CCDC180: variants seen among roughly 807,000 people sequenced by gnomAD.
CCDC180 encodes the protein coiled-coil domain containing 180, also known as coiled-coil domain-containing protein 180.
In CCDC180, 154 loss-of-function variants were observed where a neutral mutation model predicts 209.2. The ratio of observed to expected loss-of-function variants is 0.74; its 90% CI spans 0.65 to 0.84. The LOEUF (loss-of-function observed/expected upper bound fraction) is 0.84, where lower values mean the gene tolerates loss of function less well. Ranked by LOEUF, CCDC180 falls within the 40% of genes least tolerant of loss-of-function variation. CCDC180 has a pLI of 0.00. For synonymous variants in CCDC180, 778 were observed against 749.1 expected, an observed-to-expected ratio of 1.04 and a Z score of -0.63; for missense variants, 1,874 against 1,997.3, an observed-to-expected ratio of 0.94 and a Z score of 1.18.
intron 18 of CCDC180, among the ~76,000 whole-genome samples, chr9:97,342,315 C>T (rs1826110548): frequency 1.3e-5 from 2 of 152,256 alleles, no homozygotes; most frequent in South Asian, 4.1e-4. Context: ...TGGAATGGAC[C>T]TCTAATTTTT....
In CCDC180 at chr9:97,343,486, C is replaced by T. The variant is rs745406850; in HGVS notation, c.2421C>T (p.Phe807=). ...RKSHSTFSAM[F]INDTSSAKFI... ...CCCATTCCACCTTCTCAGCCATGTT[C>T]ATCAACGACACTTCCAGTGCCAAGT... The change falls in exon 19 of 37, where the codon TTC becomes TTT. Residue 807 remains phenylalanine, a synonymous_variant. Transcript: ENST00000529487. The T allele has an allele frequency of 6.2e-7, 1 of 1,614,064 alleles. No homozygotes were observed. Among genetic ancestry groups the T allele is most frequent in the Admixed American group, 1.7e-5 (1 of 60,018 alleles).
At chr9:97,359,456 A>G (rs1826687393) in intron 25 of CCDC180, among the ~76,000 whole-genome samples, 1 of 152,102 alleles carries the variant, frequency 6.6e-6, no homozygotes, top group Non-Finnish European at 1.5e-5. Context: ...TGATGCCTTG[A>G]ATGTGTGGCG....
Position 97,377,587 on chromosome 9 carries a change from A to G in CCDC180, c.*693A>G, listed in dbSNP as rs1827292710. 1 of 152,248 alleles carries G rather than the reference A, an allele frequency of 6.6e-6. No individual in the cohort carries two copies. The highest frequency in any genetic ancestry group is 1.5e-5 in the Non-Finnish European group (1 of 68,128). 9.4% of individuals were successfully genotyped at this position (152,248 alleles called of 1,614,324 possible). On this transcript the variant is annotated 3_prime_UTR_variant, in exon 37 of 37. Transcript: ENST00000529487. The stretch of plus-strand genomic sequence containing the variant: ...ATAGACCTAGGAGGCCCCAGCTCCC[A>G]AATTTCCAGCCCCTGAAAGCTGTGT...
chr9:97,318,414 G>T lies in CCDC180; in HGVS notation c.960-49G>T, dbSNP rs771538653. ...GGTTCTCTTTCCCTCTCTCACTCCTGCCCTGCTCCTCCTCTCCCCTTTATG... is the reference window on the plus strand; with the variant it reads ...GGTTCTCTTTCCCTCTCTCACTCCTTCCCTGCTCCTCCTCTCCCCTTTATG... On this transcript the variant is annotated intron_variant, in intron 9 of 36. Transcript: ENST00000529487. 5.0e-6 allele frequency: 8 copies of T among 1,604,748 alleles called. No individual in the cohort carries two copies. The East Asian group carries it at 9.0e-5, about 18-fold the overall frequency.
intron 8 of CCDC180, among the ~76,000 whole-genome samples, chr9:97,316,148 C>T (rs535177909): frequency 4.5e-4 from 69 of 152,278 alleles, no homozygotes; most frequent in African/African-American, 1.4e-3. Flanking sequence ...TTCAGTGTCC[C>T]GGATGTGTTT....
At chr9:97,365,813 C>A (rs1015832952) in intron 30 of CCDC180, 74 bp downstream of exon 30, 1 of 1,331,528 alleles carries the variant, frequency 7.5e-7, no homozygotes, top group Non-Finnish European at 1.1e-6. Flanking sequence ...TGATCATGGC[C>A]GCTTGGGGGA....
At chr9:97,330,869 C>T (rs1825721386) in intron 18 of CCDC180, 102 bp downstream of exon 18, 7 of 1,085,906 alleles carry the variant, frequency 6.4e-6, no homozygotes, top group Non-Finnish European at 7.9e-6. Flanking sequence ...GCCCAGTCTC[C>T]ATAGAGGTGC....
chr9:97,313,379 CT>C (rs759111124), intron 5 of CCDC180, 34 bp downstream of exon 5: 1 of 1,486,840 alleles, frequency 6.7e-7, no homozygotes, highest in South Asian at 1.1e-5. Context: ...TCTTCCCTTC[CT>C]GTGCCATTCC....
In CCDC180 at chr9:97,313,271, C is replaced by T. The variant is rs771390933; in HGVS notation, c.385C>T (p.Gln129Ter). 4.3e-5 allele frequency: 69 copies of T among 1,612,054 alleles called. No individual in the cohort carries two copies. Among genetic ancestry groups the T allele is most frequent in the Admixed American group, 6.7e-5 (4 of 59,914 alleles). ...EKISTSTFQR[Q>*]AEHKRKSYES... ...GATAAGCACCAGCACCTTTCAAAGG[C>T]AAGCAGAACACAAGAGGAAGAGCTA... The change falls in exon 5 of 37, where the codon CAA becomes TAA. Residue 129 changes from glutamine to a stop codon, truncating the protein, a stop_gained. Transcript: ENST00000529487. LOFTEE classifies it high-confidence loss of function.
In CCDC180 at chr9:97,318,465, A is replaced by G. The variant is rs781266389; in HGVS notation, c.962A>G (p.Glu321Gly). The G allele has an allele frequency of 6.2e-7, 1 of 1,613,348 alleles. No individual in the cohort carries two copies. Among genetic ancestry groups the G allele is most frequent in the African/African-American group, 1.3e-5 (1 of 74,888 alleles). Residue 321 changes from glutamate to glycine, a missense_variant and splice_region_variant, in exon 10 of 37, where the codon GAG (glutamate) becomes GGG (glycine). Physicochemically the swap from Glu to Gly is moderately conservative, Grantham distance 98. Transcript: ENST00000529487. ...KKEALLQSFS[E>G]FMASESIHTP... ...GTGCCAACATGTCTGGCCACCAGTG[A>G]GTTCATGGCCAGTGAGAGTATCCAT...
At chr9:97,309,707 T>G (rs3747506) in intron 3 of CCDC180, 103 bp downstream of exon 3, 190,658 of 947,614 alleles carry the variant, frequency 0.2, 20,500 homozygotes, top group East Asian at 0.34. Flanking sequence ...AGGAATGAAG[T>G]CTCAAGTACC....
chr9:97,319,675 A>G lies in CCDC180; in HGVS notation c.1080-451A>G, dbSNP rs117000191. 9.3e-3 allele frequency among the ~76,000 whole-genome samples: 1,418 copies of G among 152,186 alleles called. 41 individuals carry two copies. The East Asian group carries it at 0.095, about 10-fold the overall frequency. On this transcript the variant is annotated intron_variant, in intron 10 of 36. Transcript: ENST00000529487. ...GCCATGATCTCATTCTTTTTTTATGACACTATTTTTAATGACTTCAGAAGA... is the reference window on the plus strand; with the variant it reads ...GCCATGATCTCATTCTTTTTTTATGGCACTATTTTTAATGACTTCAGAAGA...
intron 1 of CCDC180, 54 bp from the exon 2 acceptor site, chr9:97,307,926 ACGT>A (rs1269424058): frequency 1.3e-6 from 2 of 1,579,746 alleles, no homozygotes; most frequent in East Asian, 2.2e-5. Flanking sequence ...TCGAGGCCAG[ACGT>A]CGTCCCGCCT....
chr9:97,338,357 T>A (rs1357545323), intron 18 of CCDC180, among the ~76,000 whole-genome samples: 1 of 152,374 alleles, frequency 6.6e-6, no homozygotes, highest in African/African-American at 2.4e-5. Context: ...TTCTGGTACA[T>A]TGTGTCTTTG....
intron 25 of CCDC180, among the ~76,000 whole-genome samples, chr9:97,359,726 T>C (rs1826695223): frequency 6.6e-6 from 1 of 152,026 alleles, no homozygotes; most frequent in Non-Finnish European, 1.5e-5. Flanking sequence ...GAGTTGAAAC[T>C]GTAGATCCAG....
chr9:97,364,734 T>G (rs1826871147), intron 29 of CCDC180: 1 of 153,858 alleles, frequency 6.5e-6, no homozygotes, highest in Non-Finnish European at 1.4e-5. Flanking sequence ...GGTAGACAGT[T>G]CCCTCGTCCC....
intron 18 of CCDC180, among the ~76,000 whole-genome samples, chr9:97,336,457 A>G (rs1825907180): frequency 6.6e-6 from 1 of 152,142 alleles, no homozygotes; most frequent in South Asian, 2.1e-4. Flanking sequence ...AGGTTTGTTG[A>G]AGATCAGATG....
intron 18 of CCDC180, among the ~76,000 whole-genome samples, chr9:97,334,856 C>T (rs944931791): frequency 6.6e-6 from 1 of 152,036 alleles, no homozygotes; most frequent in African/African-American, 2.4e-5. Flanking sequence ...TGTACACCTC[C>T]GAAGCAACTC....
chr9:97,360,170 G>T, intron 26 of CCDC180, 69 bp downstream of exon 26: 1 of 1,572,804 alleles, frequency 6.4e-7, no homozygotes, highest in Non-Finnish European at 8.7e-7. Context: ...GAGACCTGCA[G>T]GGCTCAGTAG....
Sources: gnomAD v4.1 joint callset for allele counts (sites outside exome capture counted in the v4.1 genomes callset) on GRCh38, gnomAD v4.1.1 for gene constraint, MANE v1.5 for transcripts, NCBI Gene and HGNC (gene_info 2026-07-23, HGNC 2026-07-21) for gene names.